The following ASXL2 variants were observed in gnomAD, a reference collection of about 807,000 sequenced individuals.
The protein encoded by ASXL2 is putative Polycomb group protein ASXL2.
In ASXL2, 23 loss-of-function variants were observed where a neutral mutation model predicts 122.0. The observed-to-expected ratio is 0.19, with a 90% CI of 0.14 to 0.27. The LOEUF (loss-of-function observed/expected upper bound fraction) is 0.27, where lower values mean the gene tolerates loss of function less well. ASXL2 is among the 10% of genes least tolerant of loss of function. ASXL2 has a pLI of 1.00. For missense variants in ASXL2, 1,518 were observed against 1,713.8 expected, an observed-to-expected ratio of 0.89 and a Z score of 2.02; for synonymous variants, 650 against 637.0, an observed-to-expected ratio of 1.02 and a Z score of -0.31.
At chr2:25,778,642 A>G (rs1040035118) in intron 5 of ASXL2, among the ~76,000 whole-genome samples, 1 of 152,142 alleles carries the variant, frequency 6.6e-6, no homozygotes, top group Non-Finnish European at 1.5e-5. Flanking sequence ...CAAACTACAT[A>G]TAATGTTTTA....
intron 2 of ASXL2, among the ~76,000 whole-genome samples, chr2:25,841,874 G>T (rs1021421048): frequency 1.3e-5 from 2 of 151,366 alleles, no homozygotes; most frequent in African/African-American, 2.4e-5. Flanking sequence ...ATGAACCCGG[G>T]AGGCAGAGCT....
chr2:25,811,065 C>G (rs1201242980), intron 3 of ASXL2, among the ~76,000 whole-genome samples: 1 of 145,912 alleles, frequency 6.9e-6, no homozygotes, highest in Non-Finnish European at 1.5e-5. Context: ...TACACACACA[C>G]ACACACACAC....
chr2:25,876,398 G>T (rs576347715), intron 1 of ASXL2, among the ~76,000 whole-genome samples: 1 of 152,240 alleles, frequency 6.6e-6, no homozygotes, highest in South Asian at 2.1e-4. Context: ...TAAGATTCTA[G>T]AAACTTGTGT....
At chr2:25,873,009 T>G (rs566227213) in intron 1 of ASXL2, among the ~76,000 whole-genome samples, 129 of 152,168 alleles carry the variant, frequency 8.5e-4, no homozygotes, top group African/African-American at 3.0e-3. Context: ...TCTTTAGTGG[T>G]GATTTCTGAG....
chr2:25,746,344 A>C (rs1169597829), intron 12 of ASXL2, among the ~76,000 whole-genome samples: 3 of 152,212 alleles, frequency 2.0e-5, no homozygotes, highest in Non-Finnish European at 4.4e-5. Context: ...CAGGAAACCT[A>C]TTTAATCTCT....
intron 4 of ASXL2, among the ~76,000 whole-genome samples, chr2:25,805,366 C>G (rs1040240728): frequency 3.4e-5 from 5 of 146,648 alleles, no homozygotes; most frequent in African/African-American, 1.0e-4. Flanking sequence ...GTGGGGCTCT[C>G]CATCATAAAA....
intron 5 of ASXL2, among the ~76,000 whole-genome samples, chr2:25,784,032 C>T (rs936502338): frequency 6.7e-5 from 10 of 148,494 alleles, no homozygotes; most frequent in South Asian, 2.1e-4. Context: ...CCAGCCTGGG[C>T]GAAAGAGTGA....
intron 3 of ASXL2, among the ~76,000 whole-genome samples, chr2:25,829,891 T>C (rs569174243): frequency 2.0e-5 from 3 of 152,344 alleles, no homozygotes; most frequent in African/African-American, 4.8e-5. Context: ...CACAAGATGC[T>C]GAGCAGCCAA....
chr2:25,780,802 G>A (rs933564515), intron 5 of ASXL2, among the ~76,000 whole-genome samples: 3 of 152,146 alleles, frequency 2.0e-5, no homozygotes, highest in Admixed American at 2.0e-4. Context: ...ATTCACCCAT[G>A]TTTGGCCGGG....
chr2:25,833,569 G>C (rs1050891884), intron 3 of ASXL2, among the ~76,000 whole-genome samples: 5 of 152,028 alleles, frequency 3.3e-5, no homozygotes, highest in African/African-American at 1.2e-4. Flanking sequence ...GGTAGCGTGC[G>C]CCTGTAATCT....
rs750175127 is a variant in ASXL2, at chr2:25,739,760, G to A, written c.*2269C>T. ...TCATCCCTAAGTTAAGGGTAGCACA[G>A]AGGAAAACCTTTCTGACAGGAAAAA... is the stretch of plus-strand genomic sequence containing the variant. On this transcript the variant is annotated 3_prime_UTR_variant, in exon 13 of 13. Transcript: ENST00000435504. 1.6e-4 allele frequency: 35 copies of A among 217,860 alleles called. No individual in the cohort carries two copies. Among genetic ancestry groups the A allele is most frequent in the Non-Finnish European group, 2.6e-4 (28 of 108,552 alleles). 13.5% of individuals were successfully genotyped at this position (217,860 alleles called of 1,614,324 possible). A position where few individuals can be genotyped will look rare whatever the true frequency, so the allele number is the denominator to read the frequency against.
chr2:25,814,937 A>G (rs996059816), intron 3 of ASXL2, among the ~76,000 whole-genome samples: 3 of 152,194 alleles, frequency 2.0e-5, no homozygotes, highest in Admixed American at 2.0e-4. Flanking sequence ...TGCAAAATAG[A>G]GGTAATACTG....
intron 3 of ASXL2, chr2:25,822,450 T>G: frequency 2.8e-6 from 1 of 355,674 alleles, no homozygotes; most frequent in South Asian, 3.7e-5. Context: ...TGTTCGCCCG[T>G]CCCCCTGCCC....
chr2:25,807,729 T>C (rs913089523), intron 3 of ASXL2, among the ~76,000 whole-genome samples: 72 of 152,218 alleles, frequency 4.7e-4, no homozygotes, highest in African/African-American at 1.5e-3. Context: ...TCATAGACTG[T>C]TGGTGGAAGA....
chr2:25,779,601 C>G (rs1054412789), intron 5 of ASXL2, among the ~76,000 whole-genome samples: 2 of 152,154 alleles, frequency 1.3e-5, no homozygotes, highest in Admixed American at 6.5e-5. Flanking sequence ...TATGTCTTGT[C>G]TCCCATACCT....
chr2:25,841,200 G>T (rs947306338), intron 2 of ASXL2, among the ~76,000 whole-genome samples: 4 of 152,172 alleles, frequency 2.6e-5, no homozygotes, highest in Non-Finnish European at 5.9e-5. Flanking sequence ...GGAGGCTGAG[G>T]TCATGGGACT....
At chr2:25,809,246 C>A (rs1186902173) in intron 3 of ASXL2, among the ~76,000 whole-genome samples, 1 of 146,054 alleles carries the variant, frequency 6.8e-6, no homozygotes, top group African/African-American at 2.6e-5. Context: ...AGAGTTGGGA[C>A]AAAAATTTAG....
chr2:25,815,258 A>G (rs1345445385), intron 3 of ASXL2, among the ~76,000 whole-genome samples: 1 of 152,038 alleles, frequency 6.6e-6, no homozygotes, highest in Non-Finnish European at 1.5e-5. Flanking sequence ...TCTGACCTTG[A>G]CCAAAATAAT....
At position 25,742,381 on chromosome 2, in the gene ASXL2, C is replaced by T. The variant is rs2149135709; in HGVS notation, c.3956G>A (p.Ser1319Asn). 1 of 1,510,160 alleles carries T rather than the reference C, an allele frequency of 6.6e-7. No homozygotes were observed. The highest frequency in any genetic ancestry group is 8.9e-7 in the Non-Finnish European group (1 of 1,123,594). The allele number at this position is 1,510,160 out of a possible 1,614,324, so 93.5% of individuals were successfully genotyped here. A position where few individuals can be genotyped will look rare whatever the true frequency, so the allele number is the denominator to read the frequency against. The stretch of plus-strand genomic sequence containing the variant: ...ATAGCTTGGCCCTATCTGGGTGGGG[C>T]TTCCATACAACTTCGGGGTTTGCAG... ...PPLQTPKLYGSPTQIGPSYRG... is the reference protein window; with the variant it reads ...PPLQTPKLYGNPTQIGPSYRG... The change falls in exon 13 of 13, where the codon AGC becomes AAC. Residue 1319 changes from serine (S) to asparagine (N), a missense_variant. Ser to Asn is a conservative substitution (Grantham distance 46). Coordinates refer to ENST00000435504, the MANE Select transcript of ASXL2 (RefSeq NM_018263.6).
Sources: allele counts gnomAD v4.1 joint callset (sites outside exome capture counted in the v4.1 genomes callset), GRCh38; gene constraint gnomAD v4.1.1; transcripts MANE v1.5; gene names NCBI Gene and HGNC (gene_info 2026-07-23, HGNC 2026-07-21).